The following ARHGAP24 variants were observed in gnomAD, a reference collection of about 807,000 sequenced individuals.
The protein encoded by ARHGAP24 is rho GTPase-activating protein 24.
A neutral mutation model predicts 76.4 loss-of-function variants in ARHGAP24; 50 were observed. The ratio of observed to expected loss-of-function variants is 0.65; its 90% CI spans 0.52 to 0.83. The LOEUF is 0.83. ARHGAP24 is among the 40% of genes least tolerant of loss of function. ARHGAP24 has a pLI of 0.00. For synonymous variants in ARHGAP24, 345 were observed against 323.3 expected, an observed-to-expected ratio of 1.07 and a Z score of -0.72; for missense variants, 930 against 914.2, an observed-to-expected ratio of 1.02 and a Z score of -0.22.
intron 1 of ARHGAP24, among the ~76,000 whole-genome samples, chr4:85,547,462 ATCTC>A (rs1725962315): frequency 1.3e-5 from 2 of 151,964 alleles, no homozygotes; most frequent in South Asian, 4.1e-4. Flanking sequence ...TTCAGACAGA[ATCTC>A]TCTCTGTCAC....
At chr4:85,740,299 T>G (rs1352912583) in intron 3 of ARHGAP24, among the ~76,000 whole-genome samples, 7 of 150,880 alleles carry the variant, frequency 4.6e-5, no homozygotes, top group Non-Finnish European at 1.0e-4. Context: ...CTCGGCTCAC[T>G]GCAACCTCCC....
chr4:85,987,005 G>T (rs1464064017), intron 8 of ARHGAP24, among the ~76,000 whole-genome samples: 1 of 151,998 alleles, frequency 6.6e-6, no homozygotes, highest in African/African-American at 2.4e-5. Flanking sequence ...GAAACTATTC[G>T]GTATGATGCT....
rs775699326 is a variant in ARHGAP24 at position 85,923,670 on chromosome 4, A to G, written c.291A>G (p.Thr97=). 7 of 1,613,772 alleles carry G rather than the reference A, an allele frequency of 4.3e-6. No homozygotes were observed. Among genetic ancestry groups the G allele is most frequent in the Admixed American group, 1.7e-5 (1 of 59,936 alleles). The change falls in exon 4 of 10, where the codon ACA becomes ACG. Residue 97 remains threonine, a synonymous_variant. Transcript: ENST00000395184. ...VVPGGDRDRM[T]ANHESYLLMA... ...CAGGAGGCGATCGAGATCGGATGAC[A>G]GCAAATCATGAAAGCTACCTCCTCA...
In ARHGAP24 at chr4:85,808,378, T is replaced by C. The variant is rs536805608; in HGVS notation, c.268+86406T>C. Reference sequence around the variant, plus strand: ...TCTAAACACTTTGCCACTTTAACCTTTTTTTTCTTTTTGGTTCATTGTAAA... The same window carrying C: ...TCTAAACACTTTGCCACTTTAACCTCTTTTTTCTTTTTGGTTCATTGTAAA... On this transcript the variant is annotated intron_variant, in intron 3 of 9. Coordinates refer to ENST00000395184, the MANE Select transcript of ARHGAP24 (RefSeq NM_001025616.3). 3.3e-5 allele frequency among the ~76,000 whole-genome samples: 5 copies of C among 152,326 alleles called. No homozygotes were observed. The East Asian group carries it at 9.6e-4, about 29-fold the overall frequency.
In ARHGAP24 at chr4:85,492,140, A is replaced by AGAACCTTGTTC. The variant is rs201475592; in HGVS notation, c.-21+16581_-21+16582insGAACCTTGTTC. Among the ~76,000 whole-genome samples the AGAACCTTGTTC allele has an allele frequency of 8.4e-3, 1,180 of 141,226 alleles. 10 individuals carry two copies. The highest frequency in any genetic ancestry group is 0.029 in the African/African-American group (1,092 of 37,898). The allele number at this position is 141,226 out of a possible 152,430, so 92.6% of individuals were successfully genotyped here. A position where few individuals can be genotyped will look rare whatever the true frequency, so the allele number is the denominator to read the frequency against. ...CTTCTGTTCTTTGCCTTTTCTCTTT[A>AGAACCTTGTTC]TTACCCTAGAACCTTGTCATATCAG... is the stretch of plus-strand genomic sequence containing the variant. On this transcript the variant is annotated intron_variant, in intron 1 of 9. Coordinates refer to ENST00000395184, the MANE Select transcript of ARHGAP24 (RefSeq NM_001025616.3).
At chr4:85,484,841 T>C (rs1196005869) in intron 1 of ARHGAP24, among the ~76,000 whole-genome samples, 2 of 152,062 alleles carry the variant, frequency 1.3e-5, no homozygotes, top group Non-Finnish European at 1.5e-5. Context: ...GGTCTCAAAC[T>C]CCTGACCTCA....
intron 8 of ARHGAP24, among the ~76,000 whole-genome samples, chr4:85,979,418 G>A (rs1278728868): frequency 6.6e-6 from 1 of 151,808 alleles, no homozygotes; most frequent in Non-Finnish European, 1.5e-5. Context: ...AGCCATCACC[G>A]CCATCCATCT....
At chr4:85,531,832 G>A (rs1430449642) in intron 1 of ARHGAP24, among the ~76,000 whole-genome samples, 1 of 151,912 alleles carries the variant, frequency 6.6e-6, no homozygotes, top group Non-Finnish European at 1.5e-5. Context: ...TCACCTCCAG[G>A]CTTCATATTT....
intron 8 of ARHGAP24, among the ~76,000 whole-genome samples, chr4:85,993,756 T>G (rs370940996): frequency 2.0e-5 from 3 of 152,216 alleles, no homozygotes; most frequent in Non-Finnish European, 2.9e-5. Flanking sequence ...TTTGTGATTT[T>G]GGGCTGTTGG....
At chr4:85,817,258 A>C (rs1729280150) in intron 3 of ARHGAP24, among the ~76,000 whole-genome samples, 1 of 152,110 alleles carries the variant, frequency 6.6e-6, no homozygotes, top group African/African-American at 2.4e-5. Context: ...GAAACTTTTT[A>C]GTTTGATATA....
At chr4:85,784,750 A>G (rs1160984661) in intron 3 of ARHGAP24, among the ~76,000 whole-genome samples, 11 of 152,062 alleles carry the variant, frequency 7.2e-5, no homozygotes. Flanking sequence ...TTAGAATTTT[A>G]GCAACCATTT....
intron 3 of ARHGAP24, among the ~76,000 whole-genome samples, chr4:85,875,543 ATATTTT>A (rs1377715182): frequency 1.2e-4 from 10 of 85,792 alleles, no homozygotes; most frequent in African/African-American, 4.2e-4. Context: ...TATATTATTT[ATATTTT>A]ATATTATATT....
intron 3 of ARHGAP24, among the ~76,000 whole-genome samples, chr4:85,863,245 A>G (rs1732004071): frequency 6.6e-6 from 1 of 151,928 alleles, no homozygotes; most frequent in Non-Finnish European, 1.5e-5. Context: ...TTGCAGGCTA[A>G]CTCGTTTACT....
At chr4:85,951,210 A>G (rs566479161) in intron 5 of ARHGAP24, among the ~76,000 whole-genome samples, 3 of 152,140 alleles carry the variant, frequency 2.0e-5, no homozygotes, top group African/African-American at 7.2e-5. Flanking sequence ...ATGGTGAGGT[A>G]ATAAGAAGAG....
At chr4:85,800,232 C>T (rs1728520432) in intron 3 of ARHGAP24, among the ~76,000 whole-genome samples, 1 of 152,166 alleles carries the variant, frequency 6.6e-6, no homozygotes, top group Non-Finnish European at 1.5e-5. Flanking sequence ...CAACTCTTCT[C>T]TAAGTCTAAA....
chr4:85,665,590 A>T (rs1722581054), intron 2 of ARHGAP24, among the ~76,000 whole-genome samples: 1 of 152,092 alleles, frequency 6.6e-6, no homozygotes, highest in Non-Finnish European at 1.5e-5. Flanking sequence ...TCGTTAGTTG[A>T]TGCAGTTTCT....
intron 1 of ARHGAP24, among the ~76,000 whole-genome samples, chr4:85,564,495 A>T (rs1262341849): frequency 1.3e-5 from 2 of 151,950 alleles, no homozygotes; most frequent in African/African-American, 4.8e-5. Flanking sequence ...TACATATGTA[A>T]CAAACCTGCA....
chr4:85,527,897 C>A (rs1251253970), intron 1 of ARHGAP24, among the ~76,000 whole-genome samples: 1 of 152,110 alleles, frequency 6.6e-6, no homozygotes, highest in Non-Finnish European at 1.5e-5. Flanking sequence ...CAATTAATTT[C>A]TTCCTCTGAT....
chr4:85,741,831 CT>C lies in ARHGAP24; in HGVS notation c.268+19867del, dbSNP rs1466410911. 5.3e-5 allele frequency among the ~76,000 whole-genome samples: 8 copies of C among 151,986 alleles called. 1 individual carries two copies. Among genetic ancestry groups the C allele is most frequent in the Admixed American group, 5.2e-4 (8 of 15,254 alleles). On this transcript the variant is annotated intron_variant, in intron 3 of 9. Transcript: ENST00000395184. ...AATAATTTTTTTACAGGCACTGGTA[CT>C]TTTTTTTCATGTTTTGTGTTGTAGT...
Sources: allele counts gnomAD v4.1 joint callset (sites outside exome capture counted in the v4.1 genomes callset), GRCh38; gene constraint gnomAD v4.1.1; transcripts MANE v1.5; gene names NCBI Gene and HGNC (gene_info 2026-07-23, HGNC 2026-07-21).